The following C8orf34 variants were observed in gnomAD, a reference collection of about 807,000 sequenced individuals.
C8orf34 encodes chromosome 8 open reading frame 34, also known as uncharacterized protein C8orf34.
Under a neutral mutation model 68.3 loss-of-function variants are expected in C8orf34, and 65 were observed. The observed-to-expected ratio is 0.95, with a 90% CI of 0.78 to 1.17. The LOEUF (loss-of-function observed/expected upper bound fraction) is 1.17, where lower values mean the gene tolerates loss of function less well. Among genes scored for constraint, C8orf34 ranks in the 50% most tolerant of loss-of-function variants. The pLI is 0.00. For synonymous variants in C8orf34, 244 were observed against 241.2 expected, an observed-to-expected ratio of 1.01 and a Z score of -0.11; for missense variants, 664 against 655.4, an observed-to-expected ratio of 1.01 and a Z score of -0.14.
chr8:68,478,672 A>G (rs1812727162), intron 4 of C8orf34, among the ~76,000 whole-genome samples: 1 of 152,118 alleles, frequency 6.6e-6, no homozygotes. Flanking sequence ...CAGGAAACTT[A>G]CAATTATGGC....
chr8:68,619,875 G>A (rs958104946), intron 7 of C8orf34, among the ~76,000 whole-genome samples: 1 of 152,186 alleles, frequency 6.6e-6, no homozygotes, highest in African/African-American at 2.4e-5. Context: ...TTTCTGGCCA[G>A]TAGGAAAAAA....
chr8:68,521,351 G>A lies in C8orf34; in HGVS notation c.766-448G>A, dbSNP rs1388313991. On this transcript the variant is annotated intron_variant, in intron 5 of 13. Transcript: ENST00000518698. Reference sequence around the variant, plus strand: ...TACTGGATCCTGAAATGTCTAAAATGCTTTGCAGTTGGAGGCAATACACCC... The same window carrying A: ...TACTGGATCCTGAAATGTCTAAAATACTTTGCAGTTGGAGGCAATACACCC... Among the ~76,000 whole-genome samples, 12 of 152,158 alleles carry A rather than the reference G, an allele frequency of 7.9e-5. 1 individual carries two copies. The highest frequency in any genetic ancestry group is 7.9e-4 in the Admixed American group (12 of 15,268).
intron 2 of C8orf34, among the ~76,000 whole-genome samples, chr8:68,445,093 G>A (rs114573620): frequency 1.5e-3 from 230 of 152,254 alleles, no homozygotes; most frequent in African/African-American, 4.7e-3. Context: ...CTAGCAGACC[G>A]TGGACAAATA....
At chr8:68,787,680 C>A in intron 12 of C8orf34, 144 bp downstream of exon 12, 1 of 529,048 alleles carries the variant, frequency 1.9e-6, no homozygotes, top group African/African-American at 1.9e-5. Context: ...TAAAGACAAG[C>A]TATCCTTCAG....
intron 6 of C8orf34, among the ~76,000 whole-genome samples, chr8:68,530,919 C>T (rs1815216842): frequency 6.6e-6 from 1 of 151,960 alleles, no homozygotes; most frequent in African/African-American, 2.4e-5. Context: ...TTTCCCTCAC[C>T]TTTTTACTTT....
chr8:68,815,862 ATC>A (rs761507040), intron 12 of C8orf34, 22 bp from the exon 13 acceptor site: 3 of 1,613,458 alleles, frequency 1.9e-6, no homozygotes, highest in Non-Finnish European at 2.5e-6. Flanking sequence ...CTGGCATATT[ATC>A]TCTGTTTCTT....
chr8:68,361,529 C>T (rs927643956), intron 1 of C8orf34, among the ~76,000 whole-genome samples: 5 of 152,198 alleles, frequency 3.3e-5, no homozygotes, highest in African/African-American at 7.2e-5. Flanking sequence ...ATCCAACTAT[C>T]GCTCATTAGG....
At chr8:68,410,388 A>G (rs1348442180) in intron 1 of C8orf34, among the ~76,000 whole-genome samples, 1 of 152,254 alleles carries the variant, frequency 6.6e-6, no homozygotes, top group Non-Finnish European at 1.5e-5. Context: ...ACAGTATTAT[A>G]TCTATTTACA....
chr8:68,383,688 GA>G (rs1486133602), intron 1 of C8orf34, among the ~76,000 whole-genome samples: 1 of 152,064 alleles, frequency 6.6e-6, no homozygotes, highest in African/African-American at 2.4e-5. Context: ...AAAAATATTA[GA>G]AAAAAACTAC....
intron 8 of C8orf34, among the ~76,000 whole-genome samples, chr8:68,700,420 G>A (rs1338033451): frequency 1.3e-5 from 2 of 152,116 alleles, no homozygotes; most frequent in Non-Finnish European, 2.9e-5. Flanking sequence ...AAAGAGAATG[G>A]GAGGAAGAAC....
intron 8 of C8orf34, among the ~76,000 whole-genome samples, chr8:68,701,083 G>A (rs1003490607): frequency 6.6e-6 from 1 of 151,980 alleles, no homozygotes; most frequent in Admixed American, 6.6e-5. Context: ...TATTTATTTT[G>A]CAGTGAAATA....
At chr8:68,411,561 A>G (rs1001390418) in intron 1 of C8orf34, among the ~76,000 whole-genome samples, 1 of 152,220 alleles carries the variant, frequency 6.6e-6, no homozygotes, top group Non-Finnish European at 1.5e-5. Flanking sequence ...TGTATTGTCC[A>G]TTGAATAATT....
chr8:68,801,625 C>T (rs1824329567), intron 12 of C8orf34, among the ~76,000 whole-genome samples: 2 of 152,160 alleles, frequency 1.3e-5, no homozygotes, highest in African/African-American at 4.8e-5. Flanking sequence ...TTCCTGCTAA[C>T]CAGCAGCTTC....
At chr8:68,462,161 C>T (rs1258290033) in intron 3 of C8orf34, among the ~76,000 whole-genome samples, 1 of 151,962 alleles carries the variant, frequency 6.6e-6, no homozygotes, top group Non-Finnish European at 1.5e-5. Context: ...ATAAAACAGA[C>T]TTTAAACCAA....
At chr8:68,773,032 A>G (rs750967977) in intron 10 of C8orf34, among the ~76,000 whole-genome samples, 1 of 151,746 alleles carries the variant, frequency 6.6e-6, no homozygotes, top group Non-Finnish European at 1.5e-5. Flanking sequence ...ATTCATTCCC[A>G]GGTAATTACC....
At chr8:68,617,700 C>A (rs939254477) in intron 7 of C8orf34, among the ~76,000 whole-genome samples, 6 of 152,188 alleles carry the variant, frequency 3.9e-5, no homozygotes, top group Non-Finnish European at 7.3e-5. Context: ...CGACCTTTCT[C>A]TCTGGCTGCC....
At chr8:68,463,989 A>G (rs950928533) in intron 3 of C8orf34, among the ~76,000 whole-genome samples, 2 of 152,204 alleles carry the variant, frequency 1.3e-5, no homozygotes, top group African/African-American at 2.4e-5. Context: ...TTAGGAAAAG[A>G]GGAAGTCAAA....
chr8:68,381,738 C>CAAAAA lies in C8orf34; in HGVS notation c.327+50419_327+50423dup, dbSNP rs769290635. On this transcript the variant is annotated intron_variant, in intron 1 of 13. Coordinates refer to ENST00000518698, the MANE Select transcript of C8orf34 (RefSeq NM_052958.4). Reference sequence around the variant, plus strand: ...TGGGCGACAGAGCGAGACTCCGTCTCAAAAAAAAAAAAAAAAAAAAAAAAT... The same window carrying CAAAAA: ...TGGGCGACAGAGCGAGACTCCGTCTCAAAAAAAAAAAAAAAAAAAAAAAAAAAAAT... 3.1e-3 allele frequency among the ~76,000 whole-genome samples: 220 copies of CAAAAA among 71,896 alleles called. 13 individuals carry two copies. The highest frequency in any genetic ancestry group is 3.9e-3 in the Admixed American group (19 of 4,818). 47.2% of individuals were successfully genotyped at this position (71,896 alleles called of 152,430 possible).
chr8:68,725,490 A>G (rs372224006), intron 10 of C8orf34, among the ~76,000 whole-genome samples: 2 of 152,364 alleles, frequency 1.3e-5, no homozygotes, highest in Non-Finnish European at 2.9e-5. Flanking sequence ...GGAGAGTTTT[A>G]TCTACTTGAG....
Sources: allele counts gnomAD v4.1 joint callset (sites outside exome capture counted in the v4.1 genomes callset), GRCh38; gene constraint gnomAD v4.1.1; transcripts MANE v1.5; gene names NCBI Gene and HGNC (gene_info 2026-07-23, HGNC 2026-07-21).